Variants in PDE10A observed in about 807,000 individuals in gnomAD.
PDE10A encodes cAMP and cAMP-inhibited cGMP 3',5'-cyclic phosphodiesterase 10A.
Under a neutral mutation model 97.7 loss-of-function variants are expected in PDE10A, and 39 were observed. The observed-to-expected ratio is 0.40, with a 90% CI of 0.31 to 0.52. The LOEUF (loss-of-function observed/expected upper bound fraction) is 0.52, where lower values mean the gene tolerates loss of function less well. Ranked by LOEUF, PDE10A falls within the 20% of genes least tolerant of loss-of-function variation. The pLI is 0.56. For missense variants in PDE10A, 731 were observed against 1,047.8 expected (o/e 0.70, Z 4.17); for synonymous variants, 371 against 376.8 (o/e 0.98, Z 0.18).
intron 1 of PDE10A, among the ~76,000 whole-genome samples, chr6:165,979,433 A>G (rs80022408): frequency 1.3e-3 from 195 of 152,362 alleles, no homozygotes; most frequent in Non-Finnish European, 2.3e-3. Context: ...GGCATGTTTA[A>G]TCTCATAGCA....
chr6:165,650,028 G>C (rs1789598741), intron 1 of PDE10A, among the ~76,000 whole-genome samples: 1 of 152,180 alleles, frequency 6.6e-6, no homozygotes. Context: ...AGTGATGCGT[G>C]CAATTTTTTT....
rs1185381896 is a variant in PDE10A, at chr6:165,328,177, C to T, written c.*4848G>A. 1.3e-5 allele frequency: 2 copies of T among 152,136 alleles called. No individual in the cohort carries two copies. The highest frequency in any genetic ancestry group is 2.9e-5 in the Non-Finnish European group (2 of 68,018). 9.4% of individuals were successfully genotyped at this position (152,136 alleles called of 1,614,324 possible). ...ACGAAATGAACACATAGCATATACA[C>T]CATACAACAGATCATATGGAAAATA... On this transcript the variant is annotated 3_prime_UTR_variant, in exon 22 of 22. Transcript: ENST00000539869.
chr6:165,363,229 G>T (rs970305564), intron 18 of PDE10A, among the ~76,000 whole-genome samples: 2 of 152,066 alleles, frequency 1.3e-5, no homozygotes, highest in Non-Finnish European at 2.9e-5. Flanking sequence ...TAAAAAGAAA[G>T]AAATGGGCCA....
At chr6:165,889,672 C>T (rs1244349274) in intron 1 of PDE10A, among the ~76,000 whole-genome samples, 1 of 152,128 alleles carries the variant, frequency 6.6e-6, no homozygotes, top group Non-Finnish European at 1.5e-5. Flanking sequence ...AGAAATCCTC[C>T]TTCTGTTTCC....
intron 12 of PDE10A, among the ~76,000 whole-genome samples, chr6:165,414,319 T>C (rs959655053): frequency 5.9e-5 from 9 of 152,164 alleles, no homozygotes; most frequent in African/African-American, 2.2e-4. Flanking sequence ...TGATCCTTAA[T>C]AGAAAAGGCT....
Position 165,388,524 on chromosome 6 carries a change from TTCATG to T in PDE10A, c.2455-76_2455-72del. On this transcript the variant is annotated intron_variant, in intron 16 of 21. Transcript: ENST00000539869. This position sits in a 1 kb window ranked among gnomAD's most constrained non-coding sequence, Gnocchi z 4.0. ...CACATGAGCAGACTTACCGCTTACA[TTCATG>T]TCACATTACTTTCTGGCATTAATAT... is the stretch of plus-strand genomic sequence containing the variant. 7.4e-7 allele frequency: 1 copy of T among 1,359,754 alleles called. No individual in the cohort carries two copies. Among genetic ancestry groups the T allele is most frequent in the Non-Finnish European group, 1.0e-6 (1 of 956,526 alleles). The allele number at this position is 1,359,754 out of a possible 1,614,324, so 84.2% of individuals were successfully genotyped here. A position where few individuals can be genotyped will look rare whatever the true frequency, so the allele number is the denominator to read the frequency against.
At chr6:165,667,200 G>T (rs9348028), upstream of PDE10A, among the ~76,000 whole-genome samples, 79,731 of 151,986 alleles carry the variant, frequency 0.52, 21,820 homozygotes, top group Middle Eastern at 0.61. Context: ...CAATTAAATT[G>T]TTTTTATTTA....
At chr6:165,678,946 A>C (rs1790900357) in intron 1 of PDE10A, among the ~76,000 whole-genome samples, 1 of 152,220 alleles carries the variant, frequency 6.6e-6, no homozygotes, top group Non-Finnish European at 1.5e-5. Context: ...ATGTTAAGGA[A>C]TGCATTATTA....
intron 1 of PDE10A, among the ~76,000 whole-genome samples, chr6:165,608,843 T>C (rs1181434736): frequency 1.3e-5 from 2 of 152,236 alleles, no homozygotes; most frequent in East Asian, 3.8e-4. Context: ...GGTTTTGATT[T>C]GCATTTCTCT....
chr6:165,452,934 C>A (rs1038252996), intron 3 of PDE10A, among the ~76,000 whole-genome samples: 1 of 150,854 alleles, frequency 6.6e-6, no homozygotes, highest in Non-Finnish European at 1.5e-5. Context: ...AAGGGCTTTA[C>A]CTTTCTTAGG....
intron 1 of PDE10A, among the ~76,000 whole-genome samples, chr6:165,697,055 T>C (rs1232783535): frequency 2.6e-5 from 4 of 152,090 alleles, no homozygotes; most frequent in Non-Finnish European, 5.9e-5. Context: ...GAGGTGCCAT[T>C]AAACATACCC....
intron 1 of PDE10A, among the ~76,000 whole-genome samples, chr6:165,707,823 T>C (rs1283718850): frequency 6.6e-6 from 1 of 152,052 alleles, no homozygotes; most frequent in Non-Finnish European, 1.5e-5. Flanking sequence ...CTGGGTGCTC[T>C]TTTCCTTTAG....
At chr6:165,583,599 G>A (rs138557390) in intron 1 of PDE10A, among the ~76,000 whole-genome samples, 1 of 152,166 alleles carries the variant, frequency 6.6e-6, no homozygotes, top group Admixed American at 6.5e-5. Flanking sequence ...GTGGACCCAC[G>A]ATCATGGAAT....
chr6:165,610,715 C>T (rs1228867011), intron 1 of PDE10A, among the ~76,000 whole-genome samples: 2 of 152,120 alleles, frequency 1.3e-5, no homozygotes, highest in South Asian at 2.1e-4. Context: ...GGACATCTCT[C>T]GTCTCCTTTA....
At chr6:165,422,300 C>A (rs1331378674) in intron 10 of PDE10A, among the ~76,000 whole-genome samples, 1 of 149,302 alleles carries the variant, frequency 6.7e-6, no homozygotes, top group African/African-American at 2.5e-5. Flanking sequence ...TACACACATA[C>A]GCATACACAC....
At chr6:165,396,612 TGTG>T (rs1786187854) in intron 13 of PDE10A, among the ~76,000 whole-genome samples, 153 bp from the exon 14 acceptor site, 1 of 152,214 alleles carries the variant, frequency 6.6e-6, no homozygotes, top group Non-Finnish European at 1.5e-5. Context: ...TGCACTGGGA[TGTG>T]CAGACATGAC....
intron 1 of PDE10A, among the ~76,000 whole-genome samples, chr6:165,854,689 C>T (rs1356640843): frequency 6.6e-6 from 1 of 152,178 alleles, no homozygotes; most frequent in Non-Finnish European, 1.5e-5. Context: ...GGAGCGTAGG[C>T]CAAGCCGAGC....
chr6:165,431,518 G>GTATA (rs538514975), intron 7 of PDE10A, 46 bp from the exon 8 acceptor site: 1 of 900,020 alleles, frequency 1.1e-6, no homozygotes, highest in South Asian at 1.5e-5. Context: ...AATACATAAC[G>GTATA]TATATATATA....
At chr6:165,407,799 A>G (rs1300055419) in intron 13 of PDE10A, among the ~76,000 whole-genome samples, 1 of 152,248 alleles carries the variant, frequency 6.6e-6, no homozygotes, top group Non-Finnish European at 1.5e-5. Flanking sequence ...GGCATATTAA[A>G]TGGTTTCTTT....
Sources: allele counts gnomAD v4.1 joint callset (sites outside exome capture counted in the v4.1 genomes callset), GRCh38; gene constraint gnomAD v4.1.1; non-coding constraint Gnocchi (gnomAD v3.1); transcripts MANE v1.5; gene names NCBI Gene and HGNC (gene_info 2026-07-23, HGNC 2026-07-21).